Variants in SH3GL3 observed in about 807,000 individuals in gnomAD.
SH3GL3 encodes endophilin-A3.
Under a neutral mutation model 47.7 loss-of-function variants are expected in SH3GL3, and 33 were observed. The ratio of observed to expected loss-of-function variants is 0.69; its 90% CI spans 0.52 to 0.92. SH3GL3 has a LOEUF of 0.92. SH3GL3 is among the 40% of genes least tolerant of loss of function. The probability of loss-of-function intolerance (pLI) is 0.00; values close to 1 mark genes in which losing one functional copy is unlikely to be tolerated. For synonymous variants in SH3GL3, 155 were observed against 148.8 expected (o/e 1.04, Z -0.30); for missense variants, 363 against 417.8 (o/e 0.87, Z 1.14).
At chr15:83,531,846 G>A (rs998632982) in intron 1 of SH3GL3, among the ~76,000 whole-genome samples, 6 of 151,264 alleles carry the variant, frequency 4.0e-5, no homozygotes, top group African/African-American at 1.2e-4. Flanking sequence ...GTCTGAGAGA[G>A]AGAGAGACAG....
Position 83,447,626 on chromosome 15 carries a change from C to T in SH3GL3, c.45+48C>T, listed in dbSNP as rs1463575030. On this transcript the variant is annotated intron_variant, in intron 1 of 8. Coordinates refer to ENST00000427482, the MANE Select transcript of SH3GL3 (RefSeq NM_003027.5). The surrounding 1 kb of genome is among the most constrained non-coding windows in gnomAD (Gnocchi z 5.1). ...AGGAGGGAGGGGGACGCGGAGGCTG[C>T]GGCCCCCCGAGGCTCCCGGGCCTTT... 5 of 1,371,726 alleles carry T rather than the reference C, an allele frequency of 3.6e-6. No individual in the cohort carries two copies. The highest frequency in any genetic ancestry group is 2.9e-5 in the South Asian group (2 of 69,818). 85.0% of individuals were successfully genotyped at this position (1,371,726 alleles called of 1,614,324 possible). A position where few individuals can be genotyped will look rare whatever the true frequency, so the allele number is the denominator to read the frequency against.
chr15:83,538,777 G>GTTTCTAGTTTTT (rs1209836342), intron 1 of SH3GL3, among the ~76,000 whole-genome samples: 3 of 151,992 alleles, frequency 2.0e-5, no homozygotes, highest in African/African-American at 7.3e-5. Flanking sequence ...TAATTAATAT[G>GTTTCTAGTTTTT]GGCATTTGTT....
chr15:83,459,150 G>T (rs895176197), intron 1 of SH3GL3, among the ~76,000 whole-genome samples: 18 of 152,232 alleles, frequency 1.2e-4, no homozygotes, highest in Non-Finnish European at 2.6e-4. Flanking sequence ...GAAAGATGAA[G>T]GCCAGGAGAC....
intron 8 of SH3GL3, among the ~76,000 whole-genome samples, chr15:83,607,577 G>A (rs1026665399): frequency 8.5e-5 from 13 of 152,154 alleles, no homozygotes; most frequent in African/African-American, 2.9e-4. Context: ...GGGGGTGGCC[G>A]ATAGTCTACG....
intron 1 of SH3GL3, among the ~76,000 whole-genome samples, chr15:83,492,299 AAAAAG>A: frequency 6.6e-6 from 1 of 151,574 alleles, no homozygotes; most frequent in Non-Finnish European, 1.5e-5. Context: ...AAAAAAAAAA[AAAAAG>A]GAAGGTATGG....
intron 1 of SH3GL3, among the ~76,000 whole-genome samples, chr15:83,450,941 G>T (rs2039742423): frequency 8.4e-6 from 1 of 119,156 alleles, no homozygotes; most frequent in Non-Finnish European, 1.7e-5. Flanking sequence ...ATCTCCCAAT[G>T]CTATCCCTCC....
intron 1 of SH3GL3, among the ~76,000 whole-genome samples, chr15:83,503,316 C>T (rs2042366159): frequency 6.6e-6 from 1 of 152,078 alleles, no homozygotes; most frequent in Non-Finnish European, 1.5e-5. Context: ...AATGTACTGG[C>T]TTCTAACCTG....
intron 4 of SH3GL3, among the ~76,000 whole-genome samples, chr15:83,571,725 G>A (rs2151768231): frequency 6.6e-6 from 1 of 152,214 alleles, no homozygotes; most frequent in East Asian, 1.9e-4. Context: ...TAGAAATGGA[G>A]CAACCCAATC....
chr15:83,593,106 T>A (rs1294827721), intron 8 of SH3GL3, among the ~76,000 whole-genome samples: 1 of 152,260 alleles, frequency 6.6e-6, no homozygotes, highest in Non-Finnish European at 1.5e-5. Context: ...TGTAGCTTTA[T>A]AAGTTTTGAG....
At chr15:83,509,111 TC>T (rs1317933767) in intron 1 of SH3GL3, among the ~76,000 whole-genome samples, 12 of 152,356 alleles carry the variant, frequency 7.9e-5, no homozygotes, top group Admixed American at 7.2e-4. Flanking sequence ...TACATATTTT[TC>T]TTGAGAAAGT....
intron 1 of SH3GL3, among the ~76,000 whole-genome samples, chr15:83,536,868 C>T (rs1300827038): frequency 2.6e-5 from 4 of 152,168 alleles, no homozygotes; most frequent in Admixed American, 1.3e-4. Context: ...CCCCTCTATA[C>T]TTTGATTATC....
intron 1 of SH3GL3, among the ~76,000 whole-genome samples, chr15:83,536,605 G>A (rs2151690206): frequency 6.6e-6 from 1 of 151,964 alleles, no homozygotes; most frequent in Non-Finnish European, 1.5e-5. Flanking sequence ...GTTTCACCAT[G>A]TTGGTCAGGC....
chr15:83,603,007 TC>T (rs1288435141), intron 8 of SH3GL3, among the ~76,000 whole-genome samples: 2 of 151,976 alleles, frequency 1.3e-5, no homozygotes, highest in African/African-American at 4.8e-5. Context: ...CAACTTGATT[TC>T]CTTTTTTTTT....
chr15:83,506,951 A>T (rs961991359), intron 1 of SH3GL3, among the ~76,000 whole-genome samples: 2 of 142,422 alleles, frequency 1.4e-5, no homozygotes, highest in African/African-American at 5.1e-5. Flanking sequence ...CTCTTTTGCT[A>T]AAAAAAAAAA....
At chr15:83,517,817 T>C (rs961447849) in intron 1 of SH3GL3, among the ~76,000 whole-genome samples, 1 of 152,142 alleles carries the variant, frequency 6.6e-6, no homozygotes, top group Non-Finnish European at 1.5e-5. Flanking sequence ...TGCATGACGC[T>C]GAGGTTTGGG....
intron 1 of SH3GL3, among the ~76,000 whole-genome samples, chr15:83,493,555 C>T (rs1477622552): frequency 1.3e-5 from 2 of 152,116 alleles, no homozygotes; most frequent in African/African-American, 4.8e-5. Context: ...ATGCTGGTGG[C>T]CTTCACCTCC....
In SH3GL3 at chr15:83,617,800, G is replaced by T. The variant is rs76478117; in HGVS notation, c.839-282G>T. On this transcript the variant is annotated intron_variant, in intron 8 of 8. Transcript: ENST00000427482. ...CTCTGTCGCTCCCTTAGGGCTCCAGGTGGAGCTGACTGGCTGCTTTTGGGA... is the reference window on the plus strand; with the variant it reads ...CTCTGTCGCTCCCTTAGGGCTCCAGTTGGAGCTGACTGGCTGCTTTTGGGA... 4.0e-3 allele frequency among the ~76,000 whole-genome samples: 602 copies of T among 152,322 alleles called. 7 individuals are homozygous for T. Among genetic ancestry groups the T allele is most frequent in the African/African-American group, 0.014 (562 of 41,576 alleles).
At chr15:83,596,519 A>G (rs1195884278) in intron 8 of SH3GL3, among the ~76,000 whole-genome samples, 1 of 152,228 alleles carries the variant, frequency 6.6e-6, no homozygotes, top group Non-Finnish European at 1.5e-5. Context: ...TCTCCTGGCA[A>G]TTGTATCCAG....
At chr15:83,534,686 C>T (rs776765186) in intron 1 of SH3GL3, among the ~76,000 whole-genome samples, 2 of 152,186 alleles carry the variant, frequency 1.3e-5, no homozygotes, top group Non-Finnish European at 2.9e-5. Context: ...TACTTCTGTT[C>T]CCCTCAGACT....
Sources: allele counts gnomAD v4.1 joint callset (sites outside exome capture counted in the v4.1 genomes callset), GRCh38; gene constraint gnomAD v4.1.1; non-coding constraint Gnocchi (gnomAD v3.1); transcripts MANE v1.5; gene names NCBI Gene and HGNC (gene_info 2026-07-23, HGNC 2026-07-21).